The following HNRNPLL variants were observed in gnomAD, a reference collection of about 807,000 sequenced individuals.
HNRNPLL encodes the protein heterogeneous nuclear ribonucleoprotein L-like.
Under a neutral mutation model 67.1 loss-of-function variants are expected in HNRNPLL, and 25 were observed. That is an observed-to-expected ratio of 0.37 (90% CI 0.27 to 0.52). The LOEUF is 0.52. Ranked by LOEUF, HNRNPLL falls within the 20% of genes least tolerant of loss-of-function variation. The pLI is 0.90. For missense variants in HNRNPLL, 542 were observed against 673.9 expected (o/e 0.80, Z 2.17); for synonymous variants, 267 against 241.7 (o/e 1.10, Z -0.97).
intron 4 of HNRNPLL, among the ~76,000 whole-genome samples, chr2:38,583,341 C>T (rs958967037): frequency 2.6e-5 from 4 of 152,050 alleles, no homozygotes; most frequent in African/African-American, 9.7e-5. Context: ...GGGGTTTTCT[C>T]TTTATTATTA....
chr2:38,567,904 G>A (rs1172091254), intron 12 of HNRNPLL, among the ~76,000 whole-genome samples: 1 of 152,118 alleles, frequency 6.6e-6, no homozygotes, highest in Non-Finnish European at 1.5e-5. Flanking sequence ...ACAACAGTTT[G>A]ACTGCAACTT....
At chr2:38,600,481 C>T (rs1290991055) in intron 1 of HNRNPLL, among the ~76,000 whole-genome samples, 2 of 152,194 alleles carry the variant, frequency 1.3e-5, no homozygotes, top group Non-Finnish European at 2.9e-5. Flanking sequence ...AATCCCAGCA[C>T]TTTGGGAGGC....
intron 3 of HNRNPLL, among the ~76,000 whole-genome samples, chr2:38,584,301 T>A (rs753718441): frequency 2.2e-4 from 33 of 152,142 alleles, no homozygotes; most frequent in Non-Finnish European, 4.4e-4. Flanking sequence ...GCTCAAGGGA[T>A]CCTACTACCT....
intron 8 of HNRNPLL, 151 bp downstream of exon 8, chr2:38,573,059 G>C: frequency 1.7e-6 from 1 of 598,072 alleles, no homozygotes; most frequent in Non-Finnish European, 2.9e-6. Flanking sequence ...ACATTTTCCA[G>C]AGTTCCTATA....
At chr2:38,564,668 T>C (rs995218898) in intron 12 of HNRNPLL, among the ~76,000 whole-genome samples, 2 of 149,030 alleles carry the variant, frequency 1.3e-5, no homozygotes, top group Non-Finnish European at 3.0e-5. Flanking sequence ...AAGGGAAAGA[T>C]TTTTATTCAT....
intron 1 of HNRNPLL, among the ~76,000 whole-genome samples, chr2:38,601,059 C>T (rs932962184): frequency 5.3e-5 from 8 of 152,204 alleles, no homozygotes; most frequent in African/African-American, 1.9e-4. Context: ...TATAATATTC[C>T]TGTTTCCAAT....
At chr2:38,585,038 GAA>G (rs1395933353) in intron 3 of HNRNPLL, among the ~76,000 whole-genome samples, 1 of 152,044 alleles carries the variant, frequency 6.6e-6, no homozygotes, top group Non-Finnish European at 1.5e-5. Context: ...GATACCAACT[GAA>G]GTTTCCCTTA....
At chr2:38,586,581 C>A (rs148423129) in intron 2 of HNRNPLL, among the ~76,000 whole-genome samples, 20 of 152,220 alleles carry the variant, frequency 1.3e-4, no homozygotes, top group African/African-American at 4.8e-4. Flanking sequence ...CTACCTCTCT[C>A]GAATTTTCTT....
At chr2:38,580,257 G>C (rs924298492) in intron 6 of HNRNPLL, among the ~76,000 whole-genome samples, 2 of 152,140 alleles carry the variant, frequency 1.3e-5, no homozygotes, top group Non-Finnish European at 2.9e-5. Context: ...TGCTAAGGAT[G>C]TGCTTTCTAA....
chr2:38,564,997 A>G (rs915882099), intron 12 of HNRNPLL, among the ~76,000 whole-genome samples: 21 of 142,220 alleles, frequency 1.5e-4, no homozygotes, highest in South Asian at 4.5e-4. Flanking sequence ...GAAATTACTG[A>G]AAAAAAAAAA....
chr2:38,588,546 CAAAAAAAAA>C (rs70954733), intron 2 of HNRNPLL, among the ~76,000 whole-genome samples: 9 of 51,018 alleles, frequency 1.8e-4, no homozygotes, highest in Admixed American at 1.2e-3. Flanking sequence ...AACTCCATCT[CAAAAAAAAA>C]AAAAAAAAAA....
At chr2:38,598,941 C>T (rs1162553027) in intron 1 of HNRNPLL, among the ~76,000 whole-genome samples, 3 of 152,208 alleles carry the variant, frequency 2.0e-5, no homozygotes, top group Non-Finnish European at 2.9e-5. Flanking sequence ...CTGGGGCACA[C>T]ATCCTTTAAC....
intron 2 of HNRNPLL, among the ~76,000 whole-genome samples, chr2:38,587,814 G>A (rs1176911117): frequency 6.6e-6 from 1 of 152,206 alleles, no homozygotes; most frequent in Non-Finnish European, 1.5e-5. Context: ...GATCGCCGAT[G>A]TAGGAAGTGG....
chr2:38,580,076 T>G (rs1326513166), intron 6 of HNRNPLL, among the ~76,000 whole-genome samples: 1 of 152,184 alleles, frequency 6.6e-6, no homozygotes, highest in Admixed American at 6.5e-5. Context: ...AGAATAGATG[T>G]AAACACTATT....
At chr2:38,591,930 CG>C (rs1362534896) in intron 1 of HNRNPLL, among the ~76,000 whole-genome samples, 6 of 151,874 alleles carry the variant, frequency 4.0e-5, no homozygotes, top group Non-Finnish European at 8.8e-5. Context: ...GAGCCAAGAT[CG>C]CGCCACTGCA....
intron 2 of HNRNPLL, among the ~76,000 whole-genome samples, chr2:38,587,285 G>C (rs1666770446): frequency 6.6e-6 from 1 of 152,182 alleles, no homozygotes; most frequent in South Asian, 2.1e-4. Flanking sequence ...GTCAAGATTA[G>C]AGTTACTACA....
chr2:38,601,293 A>G (rs1572471549), intron 1 of HNRNPLL, among the ~76,000 whole-genome samples: 2 of 152,186 alleles, frequency 1.3e-5, no homozygotes, highest in East Asian at 3.8e-4. Context: ...TGGGTGACTG[A>G]CCAGCCTTTT....
intron 1 of HNRNPLL, among the ~76,000 whole-genome samples, chr2:38,598,679 A>G (rs1428887954): frequency 6.6e-6 from 1 of 152,250 alleles, no homozygotes; most frequent in Non-Finnish European, 1.5e-5. Flanking sequence ...AGTTCCAGAG[A>G]GGTTAAGTGA....
rs184186207 is a variant in HNRNPLL, at chr2:38,590,900, G to C, written c.308+630C>G. Reference sequence around the variant, plus strand: ...TGCGTCTATAGTCCCAGCTATTAGGGAGGATAAAATGGGAGGATAACCTGG... The same window carrying C: ...TGCGTCTATAGTCCCAGCTATTAGGCAGGATAAAATGGGAGGATAACCTGG... On this transcript the variant is annotated intron_variant, in intron 2 of 12. Coordinates refer to ENST00000449105, the MANE Select transcript of HNRNPLL (RefSeq NM_138394.4). 2.0e-5 allele frequency among the ~76,000 whole-genome samples: 3 copies of C among 152,216 alleles called. No homozygotes were observed. In the East Asian group the frequency reaches 5.8e-4, roughly 29 times the overall value.
Sources: gnomAD v4.1 joint callset for allele counts (sites outside exome capture counted in the v4.1 genomes callset) on GRCh38, gnomAD v4.1.1 for gene constraint, MANE v1.5 for transcripts, NCBI Gene and HGNC (gene_info 2026-07-23, HGNC 2026-07-21) for gene names.